Variants in EIPR1 observed in about 807,000 individuals in gnomAD.
EIPR1 encodes the protein EARP and GARP complex-interacting protein 1.
A neutral mutation model predicts 48.1 loss-of-function variants in EIPR1; 25 were observed. The ratio of observed to expected loss-of-function variants is 0.52; its 90% CI spans 0.38 to 0.73. The LOEUF (loss-of-function observed/expected upper bound fraction) is 0.73, where lower values mean the gene tolerates loss of function less well. Among genes scored for constraint, EIPR1 ranks in the 30% least tolerant of loss-of-function variants. The probability of loss-of-function intolerance (pLI) is 0.00; values close to 1 mark genes in which losing one functional copy is unlikely to be tolerated. For missense variants in EIPR1, 415 were observed against 506.2 expected (o/e 0.82, Z 1.73); for synonymous variants, 204 against 201.9 (o/e 1.01, Z -0.09).
rs548315125 is a variant in EIPR1 at position 3,258,572 on chromosome 2, G to T, written c.260-1117C>A. Among the ~76,000 whole-genome samples the T allele has an allele frequency of 1.2e-4, 19 of 152,274 alleles. No individual in the cohort carries two copies. The South Asian group carries it at 3.7e-3, about 30-fold the overall frequency. On this transcript the variant is annotated intron_variant, in intron 3 of 8. Coordinates refer to ENST00000382125, the MANE Select transcript of EIPR1 (RefSeq NM_003310.5). The stretch of plus-strand genomic sequence containing the variant: ...CATTACAAAATAACAACGACCTTAG[G>T]TTACAATCGAAAATGTATCACTTAC...
chr2:3,199,171 G>T (rs1440758599), intron 5 of EIPR1, among the ~76,000 whole-genome samples: 1 of 150,984 alleles, frequency 6.6e-6, no homozygotes, highest in East Asian at 1.9e-4. Context: ...GGTAATAAGA[G>T]AAATATGGCT....
intron 4 of EIPR1, among the ~76,000 whole-genome samples, chr2:3,215,119 G>A (rs1373766640): frequency 6.6e-6 from 1 of 152,230 alleles, no homozygotes; most frequent in African/African-American, 2.4e-5. Context: ...GCTTTTTATG[G>A]CAGCCCAAGC....
At position 3,273,246 on chromosome 2, in the gene EIPR1, T is replaced by C. The variant is rs114140736; in HGVS notation, c.260-15791A>G. 9.2e-3 allele frequency among the ~76,000 whole-genome samples: 1,398 copies of C among 152,354 alleles called. 19 individuals are homozygous for C. Among genetic ancestry groups the C allele is most frequent in the African/African-American group, 0.032 (1,336 of 41,568 alleles). On this transcript the variant is annotated intron_variant, in intron 3 of 8. Transcript: ENST00000382125. The stretch of plus-strand genomic sequence containing the variant: ...AGATATATTTTTGAAGGCATAGCTG[T>C]GCTTTCAGGGAAGTGAAGAATACGA...
chr2:3,352,919 C>T (rs375036677), intron 2 of EIPR1, among the ~76,000 whole-genome samples: 6 of 152,312 alleles, frequency 3.9e-5, no homozygotes, highest in African/African-American at 1.4e-4. Flanking sequence ...ATCACTTCAA[C>T]CTGGGAGGCG....
At chr2:3,287,233 A>ATCCAGAAAGCTCGTTCACCACAC (rs1553294926) in intron 3 of EIPR1, among the ~76,000 whole-genome samples, 4 of 53,718 alleles carry the variant, frequency 7.4e-5, no homozygotes. Context: ...GTTCACCACA[A>ATCCAGAAAGCTCGTTCACCACAC]TCCAGAAAGC....
intron 5 of EIPR1, among the ~76,000 whole-genome samples, chr2:3,204,913 T>C (rs1230017028): frequency 1.3e-5 from 2 of 151,816 alleles, no homozygotes; most frequent in Admixed American, 6.6e-5. Context: ...CCCTACTACA[T>C]GTAGGACTGT....
intron 3 of EIPR1, among the ~76,000 whole-genome samples, chr2:3,333,773 TGAAAAA>T (rs1669966160): frequency 6.9e-6 from 1 of 145,800 alleles, no homozygotes; most frequent in African/African-American, 2.5e-5. Flanking sequence ...AAAAAAATCA[TGAAAAA>T]GGATTTTAGG....
At chr2:3,246,833 G>A (rs1558248810) in intron 4 of EIPR1, among the ~76,000 whole-genome samples, 7 of 47,518 alleles carry the variant, frequency 1.5e-4, no homozygotes, top group Admixed American at 2.2e-4. Flanking sequence ...GGAAGGGAGG[G>A]AAGGAGGAAG....
chr2:3,218,837 G>T (rs1310595419), intron 4 of EIPR1, among the ~76,000 whole-genome samples: 1 of 148,548 alleles, frequency 6.7e-6, no homozygotes, highest in Non-Finnish European at 1.5e-5. Flanking sequence ...CTTTCACAGT[G>T]AGTCAGGTGC....
At chr2:3,319,856 A>T (rs1572438307) in intron 3 of EIPR1, 1 of 112,446 alleles carries the variant, frequency 8.9e-6, no homozygotes, top group African/African-American at 4.3e-5. Context: ...GGGCAACACC[A>T]CCCCTGCGGG....
intron 3 of EIPR1, among the ~76,000 whole-genome samples, chr2:3,328,734 T>C (rs1166536315): frequency 2.0e-4 from 22 of 107,814 alleles, no homozygotes; most frequent in South Asian, 7.2e-4. Context: ...GGGCACCAGC[T>C]GGGCTCCCCT....
intron 3 of EIPR1, among the ~76,000 whole-genome samples, chr2:3,329,100 A>C (rs71444249): frequency 0.037 from 4,551 of 122,350 alleles, 37 homozygotes; most frequent in African/African-American, 0.043. Flanking sequence ...ATCAGAGCCC[A>C]CCCACCACGC....
intron 2 of EIPR1, chr2:3,353,171 G>A: frequency 2.2e-6 from 1 of 460,114 alleles, no homozygotes; most frequent in South Asian, 1.6e-5. Flanking sequence ...GTAAGTATAG[G>A]AAAAAGCATG....
At chr2:3,336,541 G>C (rs1008352808) in intron 3 of EIPR1, among the ~76,000 whole-genome samples, 10 of 152,140 alleles carry the variant, frequency 6.6e-5, no homozygotes, top group African/African-American at 9.7e-5. Flanking sequence ...GCCAAGGCAG[G>C]CGGATCACCT....
At chr2:3,203,275 G>A (rs1665111657) in intron 5 of EIPR1, among the ~76,000 whole-genome samples, 1 of 152,236 alleles carries the variant, frequency 6.6e-6, no homozygotes, top group Non-Finnish European at 1.5e-5. Context: ...AACTCATCCA[G>A]GTTAGAGTAA....
intron 4 of EIPR1, among the ~76,000 whole-genome samples, chr2:3,230,878 T>C (rs540817762): frequency 6.6e-6 from 1 of 152,234 alleles, no homozygotes; most frequent in Non-Finnish European, 1.5e-5. Context: ...TCTGTTTCTA[T>C]GGATAAATGC....
intron 2 of EIPR1, among the ~76,000 whole-genome samples, chr2:3,354,115 C>T (rs1335166538): frequency 6.6e-6 from 1 of 152,180 alleles, no homozygotes; most frequent in South Asian, 2.1e-4. Flanking sequence ...TGTATCCCCA[C>T]CTGGATCAAG....
chr2:3,248,120 C>T (rs1345250070), intron 4 of EIPR1, among the ~76,000 whole-genome samples: 2 of 152,074 alleles, frequency 1.3e-5, no homozygotes, highest in African/African-American at 4.8e-5. Flanking sequence ...AGTGAGTTCT[C>T]GCTCAGTTAG....
At chr2:3,255,833 G>A (rs80184618) in intron 4 of EIPR1, among the ~76,000 whole-genome samples, 1 of 554 alleles carries the variant, frequency 1.8e-3, no homozygotes, top group African/African-American at 2.3e-3. Flanking sequence ...GCACACATAC[G>A]TGTGCACAGA....
Sources: gnomAD v4.1 joint callset for allele counts (sites outside exome capture counted in the v4.1 genomes callset) on GRCh38, gnomAD v4.1.1 for gene constraint, MANE v1.5 for transcripts, NCBI Gene and HGNC (gene_info 2026-07-23, HGNC 2026-07-21) for gene names.